Variants in TP53BP1 observed in about 807,000 individuals in gnomAD.
TP53BP1 encodes tumor protein p53 binding protein 1.
In TP53BP1, 61 loss-of-function variants were observed where a neutral mutation model predicts 200.8. That is an observed-to-expected ratio of 0.30 (90% CI 0.25 to 0.38). TP53BP1 has a LOEUF of 0.38. Ranked by LOEUF, TP53BP1 falls within the 10% of genes least tolerant of loss-of-function variation. The pLI is 1.00. For missense variants in TP53BP1, 2,144 were observed against 2,371.9 expected (o/e 0.90, Z 2.00); for synonymous variants, 822 against 844.3 (o/e 0.97, Z 0.46).
intron 24 of TP53BP1, chr15:43,412,808 T>C: frequency 2.0e-6 from 1 of 491,252 alleles, no homozygotes; most frequent in Non-Finnish European, 4.1e-6. Context: ...GTCATTATTG[T>C]GGACAAAAAA....
intron 23 of TP53BP1, among the ~76,000 whole-genome samples, chr15:43,413,780 C>A (rs575981110): frequency 6.6e-6 from 1 of 150,906 alleles, no homozygotes; most frequent in Non-Finnish European, 1.5e-5. Context: ...TTTGAAGCAG[C>A]CTTTGGAAAA....
At chr15:43,498,651 C>T (rs2079193609) in intron 1 of TP53BP1, among the ~76,000 whole-genome samples, 1 of 152,128 alleles carries the variant, frequency 6.6e-6, no homozygotes, top group Non-Finnish European at 1.5e-5. Context: ...AACAGATGAT[C>T]CAGAACTGAA....
chr15:43,427,988 T>C (rs1253102880), intron 18 of TP53BP1, 28 bp downstream of exon 18: 4 of 1,466,372 alleles, frequency 2.7e-6, no homozygotes, highest in Non-Finnish European at 3.7e-6. Flanking sequence ...GAAAGAAATT[T>C]GCCACACAGA....
rs1215396398 is a variant in TP53BP1 at position 43,456,752 on chromosome 15, T to C, written c.1856A>G (p.Asp619Gly). The change falls in exon 12 of 28, where the codon GAT becomes GGT. Residue 619 changes from aspartate to glycine, a missense_variant. Asp to Gly is a moderately conservative substitution (Grantham distance 94, BLOSUM62 -1). Transcript: ENST00000382044. The part of the protein sequence containing the change: ...CKGREETVAE[D>G]VCIDLTCDSG... The stretch of plus-strand genomic sequence containing the variant: ...ATCACAAGTGAGATCAATACAAACA[T>C]CTTCTGCTACCGTTTCTTCTCTGCC... 1 of 1,614,080 alleles carries C rather than the reference T, an allele frequency of 6.2e-7. No individual in the cohort carries two copies. Among genetic ancestry groups the C allele is most frequent in the South Asian group, 1.1e-5 (1 of 91,086 alleles).
chr15:43,492,144 A>C, intron 2 of TP53BP1, 49 bp from the exon 3 acceptor site: 1 of 1,525,870 alleles, frequency 6.6e-7, no homozygotes, highest in Non-Finnish European at 9.1e-7. Context: ...AAATAGTTCA[A>C]AATGAAACCT....
At chr15:43,419,207 G>A (rs2045335160) in intron 21 of TP53BP1, among the ~76,000 whole-genome samples, 1 of 152,182 alleles carries the variant, frequency 6.6e-6, no homozygotes, top group Non-Finnish European at 1.5e-5. Flanking sequence ...GAAACAGAGT[G>A]AGTGAGACTG....
At position 43,432,770 on chromosome 15, in the gene TP53BP1, A is replaced by AG. The variant is rs2045702171; in HGVS notation, c.3192-94dup. On this transcript the variant is annotated intron_variant, in intron 16 of 27. Transcript: ENST00000382044. ...GTGTGCATGTGTGTGTGTAGTGGCA[A>AG]GGGGGGAGCCATATTTTGACAATTT... The AG allele has an allele frequency of 1.5e-6, 2 of 1,352,340 alleles. 1 individual carries two copies. Among genetic ancestry groups the AG allele is most frequent in the Admixed American group, 4.8e-5 (2 of 41,980 alleles). The allele number at this position is 1,352,340 out of a possible 1,614,324, so 83.8% of individuals were successfully genotyped here.
At chr15:43,450,115 G>T (rs2046132273) in intron 12 of TP53BP1, among the ~76,000 whole-genome samples, 1 of 152,134 alleles carries the variant, frequency 6.6e-6, no homozygotes, top group Admixed American at 6.5e-5. Context: ...TTGTAGGTCA[G>T]CATACCAAAC....
intron 2 of TP53BP1, 35 bp downstream of exon 2, chr15:43,492,249 T>A (rs1172231280): frequency 6.4e-7 from 1 of 1,566,982 alleles, no homozygotes; most frequent in South Asian, 1.2e-5. Flanking sequence ...AAAAAAAAAA[T>A]CTGCTCAATC....
intron 17 of TP53BP1, among the ~76,000 whole-genome samples, chr15:43,429,638 A>G (rs1375625746): frequency 6.6e-6 from 1 of 152,224 alleles, no homozygotes; most frequent in East Asian, 1.9e-4. Context: ...AAACTGGCAG[A>G]GGTGAAATAT....
chr15:43,491,530 T>A (rs577167157), intron 4 of TP53BP1, 139 bp downstream of exon 4: 5 of 725,996 alleles, frequency 6.9e-6, no homozygotes. Flanking sequence ...TACAATACTA[T>A]CTAATACAAC....
At position 43,408,009 on chromosome 15, in the gene TP53BP1, A is replaced by G; in HGVS notation, c.5680T>C (p.Ser1894Pro). 1 of 1,614,016 alleles carries G rather than the reference A, an allele frequency of 6.2e-7. No individual in the cohort carries two copies. The highest frequency in any genetic ancestry group is 8.5e-7 in the Non-Finnish European group (1 of 1,179,926). Residue 1894 changes from serine (S) to proline (P), a missense_variant, in exon 27 of 28, where the codon TCT becomes CCT. This residue lies in a region of TP53BP1 where 334 missense variants were observed against 453.4 expected (regional missense o/e 0.74). Coordinates refer to ENST00000382044, the MANE Select transcript of TP53BP1 (RefSeq NM_001141980.3). The stretch of plus-strand genomic sequence containing the variant: ...GCACCACCAGTCATGAGGATCTCAG[A>G]CCAGAGCTCCAGGAAGTTCTGCTGT... ...DQQQNFLELW[S>P]EILMTGGAAS...
At chr15:43,458,495 T>G (rs1437642973) in intron 11 of TP53BP1, among the ~76,000 whole-genome samples, 1 of 150,910 alleles carries the variant, frequency 6.6e-6, no homozygotes, top group African/African-American at 2.4e-5. Context: ...GCATCGTGGC[T>G]CAGCCAGGGA....
chr15:43,475,817 GA>G, intron 8 of TP53BP1, 123 bp from the exon 9 acceptor site: 1 of 1,229,270 alleles, frequency 8.1e-7, no homozygotes, highest in South Asian at 1.5e-5. Flanking sequence ...CAAAAGGGCA[GA>G]AATTGTTTTC....
intron 4 of TP53BP1, among the ~76,000 whole-genome samples, chr15:43,491,100 G>T (rs762604702): frequency 1.3e-5 from 2 of 148,820 alleles, no homozygotes; most frequent in Non-Finnish European, 3.0e-5. Context: ...TTGCTGAGAC[G>T]GAGTCTCACT....
rs150748973 is a variant in TP53BP1, at chr15:43,456,896, C to T, written c.1712G>A (p.Ser571Asn). Residue 571 changes from serine to asparagine, a missense_variant, in exon 12 of 28, where the codon AGT becomes AAT. Ser to Asn is a conservative substitution (Grantham distance 46, BLOSUM62 1). Coordinates refer to ENST00000382044, the MANE Select transcript of TP53BP1 (RefSeq NM_001141980.3). ...ATCCTGTGCTGGATTCATCAGGATACTATCATTTTCAGCAGGAACAAATTT... is the reference window on the plus strand; with the variant it reads ...ATCCTGTGCTGGATTCATCAGGATATTATCATTTTCAGCAGGAACAAATTT... ...NSKFVPAENDSILMNPAQDGE... is the reference protein window; with the variant it reads ...NSKFVPAENDNILMNPAQDGE... 300 of 1,613,976 alleles carry T rather than the reference C, an allele frequency of 1.9e-4. No homozygotes were observed. The highest frequency in any genetic ancestry group is 5.0e-4 in the Admixed American group (30 of 60,008).
chr15:43,477,568 T>A (rs750763054), intron 8 of TP53BP1, 25 bp downstream of exon 8: 1 of 1,584,804 alleles, frequency 6.3e-7, no homozygotes. Flanking sequence ...GGAGAAGAGC[T>A]GTAACGACAA....
chr15:43,487,992 A>G (rs932015656), intron 4 of TP53BP1, among the ~76,000 whole-genome samples: 5 of 152,168 alleles, frequency 3.3e-5, no homozygotes, highest in Non-Finnish European at 7.4e-5. Context: ...CCCAGAAGTT[A>G]TGCTGATTGA....
chr15:43,457,831 C>T (rs940317232), intron 11 of TP53BP1, among the ~76,000 whole-genome samples: 1 of 151,912 alleles, frequency 6.6e-6, no homozygotes, highest in Non-Finnish European at 1.5e-5. Flanking sequence ...CCAGCCTGGC[C>T]AACATGGCGA....
Sources: gnomAD v4.1 joint callset for allele counts (sites outside exome capture counted in the v4.1 genomes callset) on GRCh38, gnomAD v4.1.1 for gene constraint, gnomAD v4.1.1 regional missense constraint, MANE v1.5 for transcripts, NCBI Gene and HGNC (gene_info 2026-07-23, HGNC 2026-07-21) for gene names.